TRIM64B: variants seen among roughly 807,000 people sequenced by gnomAD.
The protein encoded by TRIM64B is tripartite motif containing 64B.
For synonymous variants in TRIM64B, 17 were observed against 190.3 expected (o/e 0.09, Z 7.50); for missense variants, 57 against 536.4 (o/e 0.11, Z 8.83).
chr11:89,876,700 T>A (rs1950166903), upstream of TRIM64B, among the ~76,000 whole-genome samples: 1 of 140,268 alleles, frequency 7.1e-6, no homozygotes, highest in African/African-American at 2.6e-5. Context: ...CCAGCATGGG[T>A]AATGGAGTGA....
chr11:89,872,081 A>C, intron 5 of TRIM64B, 134 bp downstream of exon 6: 3 of 667,112 alleles, frequency 4.5e-6, no homozygotes, highest in Non-Finnish European at 7.5e-6. Context: ...GCAGGTAGGG[A>C]AGATGCACAT....
At chr11:89,875,759 T>A (rs1190264609) in exon 1 of TRIM64B, 1 of 1,546,568 alleles carries the variant, frequency 6.5e-7, no homozygotes, top group Non-Finnish European at 8.7e-7. Flanking sequence ...TTGTCTGAGC[T>A]GTTGATGTTC....
chr11:89,875,280 C>T (rs1950151381), intron 1 of TRIM64B, among the ~76,000 whole-genome samples: 1 of 152,256 alleles, frequency 6.6e-6, no homozygotes, highest in Non-Finnish European at 1.5e-5. Context: ...AGGGACCCTT[C>T]AGATAATATC....
Position 89,874,046 on chromosome 11 carries a change from C to T in TRIM64B, c.735+3G>A, listed in dbSNP as rs1444297195. On this transcript the variant is annotated splice_donor_region_variant and intron_variant, in intron 3 of 5. Transcript: ENST00000329862. The stretch of plus-strand genomic sequence containing the variant: ...TCTCTGAGGATGGACCCTCCCTCCT[C>T]ACCTGGAGCAGCACCACGTCAGGCA... The T allele has an allele frequency of 1.3e-6, 2 of 1,549,488 alleles. No homozygotes were observed. Among genetic ancestry groups the T allele is most frequent in the African/African-American group, 1.4e-5 (1 of 72,804 alleles).
chr11:89,871,376 G>T (rs35483841), intron 5 of TRIM64B, among the ~76,000 whole-genome samples: 51,823 of 150,020 alleles, frequency 0.35, 9,039 homozygotes, highest in African/African-American at 0.54. Flanking sequence ...CTGCATAGTT[G>T]GTTTCAGGGC....
intron 3 of TRIM64B, among the ~76,000 whole-genome samples, 183 bp downstream of exon 4, chr11:89,873,866 A>G (rs1437796956): frequency 2.8e-4 from 38 of 134,384 alleles, no homozygotes; most frequent in Non-Finnish European, 1.1e-4. Context: ...CTAAAATGGC[A>G]AAAATTTCCC....
exon 5 of TRIM64B, chr11:89,872,288 C>A (rs775285738): frequency 6.5e-7 from 1 of 1,534,610 alleles, no homozygotes; most frequent in East Asian, 2.5e-5. Context: ...CTGGCTGGGG[C>A]TTTTGCATCT....
At chr11:89,874,070 C>G (rs1376835793) in exon 3 of TRIM64B, 1 of 1,549,598 alleles carries the variant, frequency 6.5e-7, no homozygotes, top group Non-Finnish European at 8.7e-7. Context: ...CCACGTCAGG[C>G]ATGTGGCATG....
chr11:89,872,333 G>T, intron 4 of TRIM64B, 21 bp from the exon 6 acceptor site: 1 of 1,503,220 alleles, frequency 6.7e-7, no homozygotes, highest in Non-Finnish European at 8.9e-7. Flanking sequence ...AATGGCCTCA[G>T]TTATATTTCC....
chr11:89,877,309 T>A (rs1950171385), upstream of TRIM64B, among the ~76,000 whole-genome samples: 1 of 117,396 alleles, frequency 8.5e-6, no homozygotes, highest in East Asian at 2.3e-4. Flanking sequence ...ATTAGGAAAG[T>A]TTTTTCCCAT....
At chr11:89,877,082 C>G (rs562490195), upstream of TRIM64B, among the ~76,000 whole-genome samples, 215 of 137,064 alleles carry the variant, frequency 1.6e-3, 2 homozygotes, top group Middle Eastern at 3.7e-3. Context: ...ATGAAAGACA[C>G]TTAGTATCTA....
chr11:89,872,840 A>G (rs1950125554), intron 4 of TRIM64B, among the ~76,000 whole-genome samples: 1 of 151,458 alleles, frequency 6.6e-6, no homozygotes, highest in South Asian at 2.1e-4. Context: ...ATGGTGATGG[A>G]GCAGGCCCGG....
At chr11:89,876,742 T>C (rs1031981625), upstream of TRIM64B, among the ~76,000 whole-genome samples, 1 of 139,214 alleles carries the variant, frequency 7.2e-6, no homozygotes, top group Non-Finnish European at 1.6e-5. Context: ...AAAAAAAAAG[T>C]ACATATTCAG....
At chr11:89,876,091 AG>A, upstream of TRIM64B, 10 of 1,315,634 alleles carry the variant, frequency 7.6e-6, no homozygotes, top group South Asian at 1.6e-5. Context: ...TGAAAAGGAA[AG>A]AAAGGCCGGT....
chr11:89,870,937 T>C (rs1950100371), exon 6 of TRIM64B: 1 of 1,551,250 alleles, frequency 6.4e-7, no homozygotes, highest in African/African-American at 1.4e-5. Flanking sequence ...GAGGGTCACA[T>C]CCACCTCCCA....
At chr11:89,871,403 T>C (rs1167500589) in intron 5 of TRIM64B, among the ~76,000 whole-genome samples, 4 of 152,236 alleles carry the variant, frequency 2.6e-5, no homozygotes, top group Non-Finnish European at 2.9e-5. Flanking sequence ...AAAATGTTTT[T>C]TTTTCTTCAA....
intron 5 of TRIM64B, among the ~76,000 whole-genome samples, 199 bp from the exon 7 acceptor site, chr11:89,871,313 T>G (rs1407305429): frequency 6.6e-6 from 1 of 152,204 alleles, no homozygotes. Flanking sequence ...CCTTAAGTAA[T>G]AGAGAAAAAA....
At chr11:89,872,930 T>G (rs1366919096) in intron 4 of TRIM64B, among the ~76,000 whole-genome samples, 1 of 151,382 alleles carries the variant, frequency 6.6e-6, no homozygotes, top group Non-Finnish European at 1.5e-5. Flanking sequence ...GTCTTTTTTT[T>G]TTTTTTTTTT....
chr11:89,878,215 CT>C (rs1323731728), upstream of TRIM64B, among the ~76,000 whole-genome samples: 21 of 130,646 alleles, frequency 1.6e-4, no homozygotes, highest in Admixed American at 1.6e-3. Flanking sequence ...CAAACCATAT[CT>C]TACAAATTGA....
Sources: gnomAD v4.1 joint callset for allele counts (sites outside exome capture counted in the v4.1 genomes callset) on GRCh38, gnomAD v4.1.1 for gene constraint, MANE v1.5 for transcripts, NCBI Gene and HGNC (gene_info 2026-07-23, HGNC 2026-07-21) for gene names.